The following FGF10 variants were observed in gnomAD, a reference collection of about 807,000 sequenced individuals.
FGF10 encodes fibroblast growth factor 10.
A neutral mutation model predicts 19.8 loss-of-function variants in FGF10; 2 were observed. That is an observed-to-expected ratio of 0.10 (90% CI 0.04 to 0.32). The LOEUF is 0.32. Among genes scored for constraint, FGF10 ranks in the 10% least tolerant of loss-of-function variants. The pLI, the probability that FGF10 is intolerant of heterozygous loss-of-function variation, is 1.00. For missense variants in FGF10, 191 were observed against 246.3 expected (o/e 0.78, Z 1.50); for synonymous variants, 112 against 94.0 (o/e 1.19, Z -1.10).
intron 1 of FGF10, among the ~76,000 whole-genome samples, chr5:44,362,764 T>G (rs1741521843): frequency 6.6e-6 from 1 of 151,358 alleles, no homozygotes; most frequent in Non-Finnish European, 1.5e-5. Flanking sequence ...GCTAAAGAAA[T>G]TTCCTCTTGG....
chr5:44,301,874 AT>A lies in FGF10; in HGVS notation c.*3120del. Among the ~76,000 whole-genome samples the A allele has an allele frequency of 6.6e-6, 1 of 152,160 alleles. No homozygotes were observed. The highest frequency in any genetic ancestry group is 1.5e-5 in the Non-Finnish European group (1 of 67,990). ...AATATTTTAATTTTCTTTTCCCAAC[AT>A]TTTTATTGTTTTTATTTAAATGTAA... On this transcript the variant is annotated 3_prime_UTR_variant, in exon 3 of 3. Coordinates refer to ENST00000264664, the MANE Select transcript of FGF10 (RefSeq NM_004465.2).
intron 2 of FGF10, among the ~76,000 whole-genome samples, chr5:44,307,167 G>A (rs1461029409): frequency 1.3e-5 from 2 of 152,166 alleles, no homozygotes; most frequent in Non-Finnish European, 1.5e-5. Context: ...TTAAATTGAA[G>A]TGCACATGTA....
At chr5:44,312,559 C>T (rs1740238039) in intron 1 of FGF10, among the ~76,000 whole-genome samples, 2 of 152,072 alleles carry the variant, frequency 1.3e-5, no homozygotes, top group Admixed American at 6.6e-5. Context: ...CTGTTCCTCC[C>T]AAGGATGATG....
chr5:44,312,783 A>C (rs1055466674), intron 1 of FGF10, among the ~76,000 whole-genome samples: 27 of 152,228 alleles, frequency 1.8e-4, no homozygotes, highest in South Asian at 4.1e-4. Context: ...GAAAATTAAT[A>C]GAACAAAGAG....
rs2121875 is a variant in FGF10 at position 44,365,443 on chromosome 5, C to A, written c.325+22915G>T. Reference sequence around the variant, plus strand: ...GATGCTGTAATGCTATTTAAAAATACATTTAGTAGGAAACTCAAAACCTTC... The same window carrying A: ...GATGCTGTAATGCTATTTAAAAATAAATTTAGTAGGAAACTCAAAACCTTC... On this transcript the variant is annotated intron_variant, in intron 1 of 2. Coordinates refer to ENST00000264664, the MANE Select transcript of FGF10 (RefSeq NM_004465.2). 0.54 allele frequency among the ~76,000 whole-genome samples: 80,909 copies of A among 151,194 alleles called. 23,722 individuals carry two copies. Among genetic ancestry groups the A allele is most frequent in the Non-Finnish European group, 0.67 (45,420 of 67,748 alleles).
Position 44,303,059 on chromosome 5 carries a change from C to T in FGF10, c.*1936G>A, listed in dbSNP as rs996637624. Among the ~76,000 whole-genome samples, 2 of 151,680 alleles carry T rather than the reference C, an allele frequency of 1.3e-5. No individual in the cohort carries two copies. The highest frequency in any genetic ancestry group is 2.9e-5 in the Non-Finnish European group (2 of 68,012). On this transcript the variant is annotated 3_prime_UTR_variant, in exon 3 of 3. Transcript: ENST00000264664. ...AATTTTAACATCCAGATTCCAACCA[C>T]AAAAATTAAACATTTTTATAATCTC...
At chr5:44,358,056 T>C (rs1459017663) in intron 1 of FGF10, among the ~76,000 whole-genome samples, 3 of 151,402 alleles carry the variant, frequency 2.0e-5, no homozygotes, top group Non-Finnish European at 4.4e-5. Flanking sequence ...CTGGATTAGC[T>C]TAGACTAATG....
chr5:44,365,566 C>T, intron 1 of FGF10, among the ~76,000 whole-genome samples: 1 of 151,784 alleles, frequency 6.6e-6, no homozygotes, highest in East Asian at 1.9e-4. Context: ...GGTTTTTTCC[C>T]CTACATGCCC....
intron 1 of FGF10, among the ~76,000 whole-genome samples, chr5:44,381,605 A>C (rs1041611090): frequency 6.6e-6 from 1 of 152,232 alleles, no homozygotes; most frequent in Non-Finnish European, 1.5e-5. Context: ...ATTAGAAAGA[A>C]GTCAATGAGC....
chr5:44,375,274 A>G (rs1490011725), intron 1 of FGF10, among the ~76,000 whole-genome samples: 1 of 152,202 alleles, frequency 6.6e-6, no homozygotes, highest in Admixed American at 6.5e-5. Flanking sequence ...CAGTCAACTA[A>G]TCAAGTGTGG....
At chr5:44,368,403 A>T (rs920218556) in intron 1 of FGF10, among the ~76,000 whole-genome samples, 6 of 152,082 alleles carry the variant, frequency 3.9e-5, no homozygotes, top group African/African-American at 1.2e-4. Flanking sequence ...AGCACCGCAT[A>T]TAACAAATAA....
At chr5:44,330,053 T>C (rs1215384757) in intron 1 of FGF10, among the ~76,000 whole-genome samples, 3 of 152,182 alleles carry the variant, frequency 2.0e-5, no homozygotes, top group African/African-American at 7.2e-5. Flanking sequence ...GAGTTAAATA[T>C]TTTGGATGTA....
chr5:44,367,338 CA>C (rs1158367564), intron 1 of FGF10, among the ~76,000 whole-genome samples: 1 of 151,968 alleles, frequency 6.6e-6, no homozygotes, highest in East Asian at 1.9e-4. Context: ...TTTATGTAGG[CA>C]AACTTTGTCA....
Position 44,303,842 on chromosome 5 carries a change from G to C in FGF10, c.*1153C>G, listed in dbSNP as rs1454369431. The C allele has an allele frequency of 6.6e-6, 1 of 152,192 alleles. No individual in the cohort carries two copies. Among genetic ancestry groups the C allele is most frequent in the East Asian group, 1.9e-4 (1 of 5,202 alleles). The allele number at this position is 152,192 out of a possible 1,614,324, so 9.4% of individuals were successfully genotyped here. On this transcript the variant is annotated 3_prime_UTR_variant, in exon 3 of 3. Transcript: ENST00000264664. ...ATTCTTTGATAGTTCCTTTGGGAAA[G>C]ATGCATTATGTGGAATTTACAGAGG...
intron 1 of FGF10, among the ~76,000 whole-genome samples, chr5:44,313,617 C>A (rs1366961987): frequency 6.6e-6 from 1 of 150,380 alleles, no homozygotes; most frequent in Non-Finnish European, 1.5e-5. Flanking sequence ...AAAGAAACAC[C>A]TGAAAATTAT....
intron 1 of FGF10, among the ~76,000 whole-genome samples, chr5:44,349,445 T>TATATATATCAGA (rs1741173932): frequency 2.2e-4 from 3 of 13,844 alleles, no homozygotes; most frequent in Admixed American, 6.3e-4. Context: ...TATATATATA[T>TATATATATCAGA]ATATATATAT....
chr5:44,366,247 C>T (rs569282398), intron 1 of FGF10, among the ~76,000 whole-genome samples: 2 of 148,470 alleles, frequency 1.3e-5, no homozygotes, highest in African/African-American at 4.9e-5. Context: ...ATTTAACATC[C>T]TGATTTATCT....
intron 1 of FGF10, among the ~76,000 whole-genome samples, chr5:44,325,418 A>G (rs1047788857): frequency 6.6e-6 from 1 of 152,086 alleles, no homozygotes; most frequent in Non-Finnish European, 1.5e-5. Flanking sequence ...TCATGCTGCT[A>G]TAAAGACACA....
At chr5:44,323,246 T>C (rs1465476935) in intron 1 of FGF10, among the ~76,000 whole-genome samples, 1 of 152,162 alleles carries the variant, frequency 6.6e-6, no homozygotes, top group African/African-American at 2.4e-5. Context: ...GCATCACACA[T>C]CATTTCTGAC....
Sources: allele counts gnomAD v4.1 joint callset (sites outside exome capture counted in the v4.1 genomes callset), GRCh38; gene constraint gnomAD v4.1.1; transcripts MANE v1.5; gene names NCBI Gene and HGNC (gene_info 2026-07-23, HGNC 2026-07-21).